NCKAP5: variants seen among roughly 807,000 people sequenced by gnomAD.
The protein encoded by NCKAP5 is nck-associated protein 5.
In NCKAP5, 92 loss-of-function variants were observed where a neutral mutation model predicts 167.0. The ratio of observed to expected loss-of-function variants is 0.55; its 90% CI spans 0.47 to 0.66. The LOEUF is 0.66. Ranked by LOEUF, NCKAP5 falls within the 30% of genes least tolerant of loss-of-function variation. NCKAP5 has a pLI of 0.00. For missense variants in NCKAP5, 2,378 were observed against 2,315.0 expected, an observed-to-expected ratio of 1.03 and a Z score of -0.56; for synonymous variants, 891 against 877.4, an observed-to-expected ratio of 1.02 and a Z score of -0.27.
At chr2:133,241,396 T>G (rs1256061205) in intron 4 of NCKAP5, among the ~76,000 whole-genome samples, 1 of 152,226 alleles carries the variant, frequency 6.6e-6, no homozygotes, top group Non-Finnish European at 1.5e-5. Flanking sequence ...GACTTCCAGC[T>G]CTGGAATCTG....
At chr2:133,392,921 G>A (rs892008918) in intron 3 of NCKAP5, among the ~76,000 whole-genome samples, 7 of 152,078 alleles carry the variant, frequency 4.6e-5, no homozygotes, top group African/African-American at 1.2e-4. Context: ...CAACAGCGTC[G>A]AAAACTGACC....
intron 3 of NCKAP5, among the ~76,000 whole-genome samples, chr2:133,448,343 A>T (rs1691338591): frequency 1.3e-5 from 2 of 152,076 alleles, no homozygotes; most frequent in South Asian, 4.1e-4. Context: ...ATCATTCTGT[A>T]GCATGAGGAA....
the NCKAP5 span, among the ~76,000 whole-genome samples, chr2:133,613,700 C>T: frequency 9.9e-5 from 15 of 152,132 alleles, no homozygotes; most frequent in African/African-American, 3.1e-4. Context: ...TGCCCACATG[C>T]GGACTGGTTC....
intron 19 of NCKAP5, among the ~76,000 whole-genome samples, chr2:132,713,529 T>C (rs1483999448): frequency 6.6e-6 from 1 of 152,194 alleles, no homozygotes; most frequent in Non-Finnish European, 1.5e-5. Context: ...TGGGACACTG[T>C]GGTGCAATGA....
chr2:132,771,389 GTTTGT>G (rs1682035123), intron 16 of NCKAP5, among the ~76,000 whole-genome samples: 1 of 151,926 alleles, frequency 6.6e-6, no homozygotes, highest in Non-Finnish European at 1.5e-5. Context: ...TCTACAATGT[GTTTGT>G]TTTAAGCTAA....
At chr2:133,165,525 G>T (rs1030066193) in intron 5 of NCKAP5, among the ~76,000 whole-genome samples, 9 of 152,290 alleles carry the variant, frequency 5.9e-5, no homozygotes, top group Admixed American at 2.0e-4. Flanking sequence ...AGCTACAGTT[G>T]CGTGTGTCAA....
intron 6 of NCKAP5, among the ~76,000 whole-genome samples, chr2:133,073,803 C>A (rs1573949591): frequency 2.0e-5 from 3 of 150,272 alleles, no homozygotes; most frequent in African/African-American, 7.3e-5. Context: ...AGTCAAAAAA[C>A]CAGAAGGGAA....
chr2:133,410,421 T>C, intron 3 of NCKAP5, among the ~76,000 whole-genome samples: 1 of 152,248 alleles, frequency 6.6e-6, no homozygotes, highest in East Asian at 1.9e-4. Flanking sequence ...TTCACTTCTC[T>C]GAGGTTTAGT....
At chr2:133,624,178 G>A in the NCKAP5 span, among the ~76,000 whole-genome samples, 1 of 152,090 alleles carries the variant, frequency 6.6e-6, no homozygotes, top group African/African-American at 2.4e-5. Context: ...ATTGGGTACA[G>A]GGTACACTGC....
At chr2:133,059,431 C>T (rs926914872) in intron 6 of NCKAP5, among the ~76,000 whole-genome samples, 2 of 151,996 alleles carry the variant, frequency 1.3e-5, no homozygotes, top group African/African-American at 2.4e-5. Flanking sequence ...GATCCCAGCA[C>T]TTTGGGAGGC....
chr2:132,799,196 T>C (rs970265878), intron 11 of NCKAP5, among the ~76,000 whole-genome samples: 1 of 151,876 alleles, frequency 6.6e-6, no homozygotes, highest in Admixed American at 6.6e-5. Context: ...GGAAGCTAGA[T>C]ACTGAGCACA....
At chr2:132,839,275 T>G (rs1208504072) in intron 11 of NCKAP5, among the ~76,000 whole-genome samples, 1 of 152,260 alleles carries the variant, frequency 6.6e-6, no homozygotes, top group East Asian at 1.9e-4. Flanking sequence ...TCTCTCATAT[T>G]ATTTTGTAAT....
intron 4 of NCKAP5, among the ~76,000 whole-genome samples, chr2:133,272,449 T>G (rs930973571): frequency 3.3e-5 from 5 of 152,200 alleles, no homozygotes; most frequent in Non-Finnish European, 7.4e-5. Flanking sequence ...GTTTTCAAAC[T>G]TATTGACATA....
At chr2:132,701,132 T>C (rs977797959) in intron 19 of NCKAP5, among the ~76,000 whole-genome samples, 1 of 152,168 alleles carries the variant, frequency 6.6e-6, no homozygotes, top group Non-Finnish European at 1.5e-5. Context: ...TAAAAGCTAT[T>C]CCTTGTTTAT....
At chr2:132,898,881 T>C (rs1290733286) in intron 8 of NCKAP5, among the ~76,000 whole-genome samples, 1 of 152,184 alleles carries the variant, frequency 6.6e-6, no homozygotes, top group Admixed American at 6.5e-5. Flanking sequence ...TTTAGCATAA[T>C]TGTTAAGGGC....
At chr2:132,810,240 C>A (rs1207594109) in intron 11 of NCKAP5, among the ~76,000 whole-genome samples, 1 of 152,160 alleles carries the variant, frequency 6.6e-6, no homozygotes, top group Non-Finnish European at 1.5e-5. Context: ...AGCCTGATGA[C>A]AATGTGCCTA....
At chr2:132,824,424 T>C (rs535551756) in intron 11 of NCKAP5, among the ~76,000 whole-genome samples, 1 of 152,324 alleles carries the variant, frequency 6.6e-6, no homozygotes, top group East Asian at 1.9e-4. Flanking sequence ...CTGTCCCTCC[T>C]TTATCAGGTA....
chr2:132,936,687 T>A (rs2149082373), intron 8 of NCKAP5, among the ~76,000 whole-genome samples: 1 of 152,288 alleles, frequency 6.6e-6, no homozygotes, highest in Middle Eastern at 3.4e-3. Context: ...TTTAGAAGAC[T>A]ACATACACAT....
chr2:133,324,999 C>T (rs781601882), intron 3 of NCKAP5, among the ~76,000 whole-genome samples: 11 of 152,170 alleles, frequency 7.2e-5, no homozygotes, highest in Non-Finnish European at 1.0e-4. Context: ...AGAGCCACCA[C>T]GCCCAGCCTG....
Sources: gnomAD v4.1 joint callset for allele counts (sites outside exome capture counted in the v4.1 genomes callset) on GRCh38, gnomAD v4.1.1 for gene constraint, MANE v1.5 for transcripts, NCBI Gene and HGNC (gene_info 2026-07-23, HGNC 2026-07-21) for gene names.